Variants in SLC4A8 observed in about 807,000 individuals in gnomAD.
SLC4A8 encodes the protein solute carrier family 4 member 8, also known as electroneutral sodium bicarbonate exchanger 1.
Under a neutral mutation model 125.0 loss-of-function variants are expected in SLC4A8, and 40 were observed. The observed-to-expected ratio is 0.32, with a 90% CI of 0.25 to 0.42. The LOEUF (loss-of-function observed/expected upper bound fraction) is 0.42. Among genes scored for constraint, SLC4A8 ranks in the 10% least tolerant of loss-of-function variants. The probability of loss-of-function intolerance (pLI) is 1.00; values close to 1 mark genes in which losing one functional copy is unlikely to be tolerated. For missense variants in SLC4A8, 863 were observed against 1,355.1 expected (o/e 0.64, Z 5.70); for synonymous variants, 456 against 476.0 (o/e 0.96, Z 0.55).
At chr12:51,488,595 T>G in intron 17 of SLC4A8, 104 bp from the exon 18 acceptor site, 1 of 728,778 alleles carries the variant, frequency 1.4e-6, no homozygotes, top group Non-Finnish European at 2.1e-6. Context: ...TTTAAGAACC[T>G]CACTCAAGAA....
chr12:51,462,012 C>T, intron 9 of SLC4A8: 2 of 229,094 alleles, frequency 8.7e-6, no homozygotes, highest in East Asian at 1.1e-4. Context: ...TTTCATATAT[C>T]TTGCCTTTCC....
At chr12:51,499,014 T>C (rs2138432109) in intron 22 of SLC4A8, among the ~76,000 whole-genome samples, 1 of 150,486 alleles carries the variant, frequency 6.6e-6, no homozygotes. Flanking sequence ...ACCCTGTCTT[T>C]ACTAAAAATA....
At chr12:51,501,378 G>A (rs879580961) in intron 22 of SLC4A8, among the ~76,000 whole-genome samples, 14 of 152,078 alleles carry the variant, frequency 9.2e-5, no homozygotes, top group Admixed American at 5.2e-4. Flanking sequence ...CCAATGTTTA[G>A]CCTCCACTTA....
In SLC4A8 at chr12:51,424,933, C is replaced by G; in HGVS notation, c.-55C>G. The G allele has an allele frequency of 6.5e-7, 1 of 1,540,242 alleles. No homozygotes were observed. The highest frequency in any genetic ancestry group is 1.4e-5 in the African/African-American group (1 of 72,844). On this transcript the variant is annotated 5_prime_UTR_variant, in exon 1 of 25. Transcript: ENST00000453097. ...TCTGCTCAGACCCGACCAGAGGGCG[C>G]GGGCTGCTGATGCTTGGCTTGGAGC... is the stretch of plus-strand genomic sequence containing the variant.
chr12:51,498,265 T>C (rs1937659331), intron 22 of SLC4A8, among the ~76,000 whole-genome samples: 1 of 152,068 alleles, frequency 6.6e-6, no homozygotes, highest in Non-Finnish European at 1.5e-5. Flanking sequence ...GACATGTTAA[T>C]ATCCTTACTA....
intron 1 of SLC4A8, among the ~76,000 whole-genome samples, chr12:51,410,876 C>CTT (rs58043742): frequency 3.4e-5 from 4 of 117,404 alleles, no homozygotes; most frequent in Admixed American, 8.6e-5. Context: ...CTTTTCTTTT[C>CTT]TTTTTTTTTT....
chr12:51,439,941 C>T (rs1223672176), intron 1 of SLC4A8, among the ~76,000 whole-genome samples: 2 of 152,112 alleles, frequency 1.3e-5, no homozygotes, highest in African/African-American at 4.8e-5. Context: ...AGTGGCTTAT[C>T]AATTACTGAA....
chr12:51,495,142 A>G (rs1271371571), intron 21 of SLC4A8, 24 bp downstream of exon 21: 4 of 1,568,308 alleles, frequency 2.6e-6, no homozygotes, highest in Admixed American at 1.9e-5. Flanking sequence ...TAAAAAATAA[A>G]TTCTTATTAT....
rs1290536874 is a variant in SLC4A8 at position 51,507,459 on chromosome 12, G to A, written c.*21G>A. On this transcript the variant is annotated 3_prime_UTR_variant, in exon 25 of 25. Transcript: ENST00000453097. ...ACTAAGAGTCTTTGCTGGGATGGAAGATTTGGGCCGTGTGGTGCCTCAGGG... is the reference window on the plus strand; with the variant it reads ...ACTAAGAGTCTTTGCTGGGATGGAAAATTTGGGCCGTGTGGTGCCTCAGGG... 1 of 1,389,190 alleles carries A rather than the reference G, an allele frequency of 7.2e-7. No homozygotes were observed. The highest frequency in any genetic ancestry group is 2.2e-5 in the South Asian group (1 of 46,332). 86.1% of individuals were successfully genotyped at this position (1,389,190 alleles called of 1,614,324 possible). A position where few individuals can be genotyped will look rare whatever the true frequency, so the allele number is the denominator to read the frequency against.
intron 1 of SLC4A8, among the ~76,000 whole-genome samples, chr12:51,427,040 G>A (rs542360061): frequency 2.2e-4 from 33 of 149,772 alleles, no homozygotes; most frequent in African/African-American, 7.9e-4. Context: ...CCAGGTTCAC[G>A]CCATTCTCCT....
intron 1 of SLC4A8, among the ~76,000 whole-genome samples, chr12:51,440,426 A>T (rs541921734): frequency 1.6e-4 from 23 of 148,042 alleles, no homozygotes; most frequent in Admixed American, 8.0e-4. Flanking sequence ...TTTTTTTTTT[A>T]AAAGACCTAG....
At chr12:51,423,151 G>T (rs1391918571), upstream of SLC4A8, among the ~76,000 whole-genome samples, 2 of 152,308 alleles carry the variant, frequency 1.3e-5, no homozygotes, top group East Asian at 3.9e-4. Context: ...AAGGGCATAA[G>T]AAAAATAATC....
chr12:51,497,833 G>A lies in SLC4A8; in HGVS notation c.3081+709G>A, dbSNP rs550670785. The A allele has an allele frequency of 6.7e-5, 9 of 134,044 alleles. No individual in the cohort carries two copies. In the East Asian group the frequency reaches 1.5e-3, roughly 22 times the overall value. The allele number at this position is 134,044 out of a possible 1,614,324, so 8.3% of individuals were successfully genotyped here. A position where few individuals can be genotyped will look rare whatever the true frequency, so the allele number is the denominator to read the frequency against. On this transcript the variant is annotated intron_variant, in intron 22 of 24. Transcript: ENST00000453097. ...ACTTGAGGCCAGAAGTTTGAGACTA[G>A]CCTAGGCAATATAATGAGACCCTGT...
Position 51,459,641 on chromosome 12 carries a change from G to A in SLC4A8, c.856-310G>A, listed in dbSNP as rs1045159134. ...TCTCAGCACTTTTGGAGGCTGAGGCGGGTGGATCACATGAGGCCAGGAGTT... is the reference window on the plus strand; with the variant it reads ...TCTCAGCACTTTTGGAGGCTGAGGCAGGTGGATCACATGAGGCCAGGAGTT... On this transcript the variant is annotated intron_variant, in intron 7 of 24. Transcript: ENST00000453097. Among the ~76,000 whole-genome samples, 10 of 152,136 alleles carry A rather than the reference G, an allele frequency of 6.6e-5. No homozygotes were observed. The South Asian group carries it at 1.7e-3, about 25-fold the overall frequency.
rs1475702992 is a variant in SLC4A8 at position 51,507,826 on chromosome 12, G to T, written c.*388G>T. The T allele has an allele frequency of 6.2e-6, 1 of 162,394 alleles. No individual in the cohort carries two copies. Among genetic ancestry groups the T allele is most frequent in the African/African-American group, 2.4e-5 (1 of 41,958 alleles). The allele number at this position is 162,394 out of a possible 1,614,324, so 10.1% of individuals were successfully genotyped here. On this transcript the variant is annotated 3_prime_UTR_variant, in exon 25 of 25. Coordinates refer to ENST00000453097, the MANE Select transcript of SLC4A8 (RefSeq NM_001039960.3). ...TGCCACTGAGGAGTCCTTCAGTGAG[G>T]TCCCTCTTCCTAAAGGACAGAGTGG...
intron 7 of SLC4A8, among the ~76,000 whole-genome samples, chr12:51,458,888 A>G (rs1295582155): frequency 6.6e-6 from 1 of 152,234 alleles, no homozygotes; most frequent in African/African-American, 2.4e-5. Context: ...AACTGGGACT[A>G]GCTGCTTAGA....
Position 51,507,699 on chromosome 12 carries a change from T to C in SLC4A8, c.*261T>C, listed in dbSNP as rs942736670. 4 of 348,406 alleles carry C rather than the reference T, an allele frequency of 1.1e-5. No individual in the cohort carries two copies. The highest frequency in any genetic ancestry group is 2.1e-5 in the Non-Finnish European group (4 of 192,854). 21.6% of individuals were successfully genotyped at this position (348,406 alleles called of 1,614,324 possible). A position where few individuals can be genotyped will look rare whatever the true frequency, so the allele number is the denominator to read the frequency against. On this transcript the variant is annotated 3_prime_UTR_variant, in exon 25 of 25. Coordinates refer to ENST00000453097, the MANE Select transcript of SLC4A8 (RefSeq NM_001039960.3). ...CTGTTGGTTCTTCTCCTCTTCCTTC[T>C]TTTTCTCTTTAGAACGGCCACCATT... is the stretch of plus-strand genomic sequence containing the variant.
rs1032533896 is a variant in SLC4A8, at chr12:51,515,059, A to T, written c.*7621A>T. The T allele has an allele frequency of 6.6e-6, 1 of 152,226 alleles. No homozygotes were observed. The highest frequency in any genetic ancestry group is 2.4e-5 in the African/African-American group (1 of 41,458). The allele number at this position is 152,226 out of a possible 1,614,324, so 9.4% of individuals were successfully genotyped here. A position where few individuals can be genotyped will look rare whatever the true frequency, so the allele number is the denominator to read the frequency against. On this transcript the variant is annotated 3_prime_UTR_variant, in exon 25 of 25. Transcript: ENST00000453097. ...ACTTTTTCTTCTAGCTGATGGCATTAATATTTCTTGAGAGAGAGAACTCAC... is the reference window on the plus strand; with the variant it reads ...ACTTTTTCTTCTAGCTGATGGCATTTATATTTCTTGAGAGAGAGAACTCAC...
intron 1 of SLC4A8, among the ~76,000 whole-genome samples, chr12:51,410,723 G>C (rs563245442): frequency 1.2e-3 from 179 of 152,202 alleles, no homozygotes; most frequent in African/African-American, 3.9e-3. Context: ...GCCTCCCAAA[G>C]TGTTGGGATT....
Sources: gnomAD v4.1 joint callset for allele counts (sites outside exome capture counted in the v4.1 genomes callset) on GRCh38, gnomAD v4.1.1 for gene constraint, MANE v1.5 for transcripts, NCBI Gene and HGNC (gene_info 2026-07-23, HGNC 2026-07-21) for gene names.